The following ERMP1 variants were observed in gnomAD, a reference collection of about 807,000 sequenced individuals.
ERMP1 encodes endoplasmic reticulum metallopeptidase 1.
Under a neutral mutation model 92.0 loss-of-function variants are expected in ERMP1, and 86 were observed. That is an observed-to-expected ratio of 0.93 (90% CI 0.79 to 1.12). The LOEUF is 1.12. ERMP1 is among the 50% of genes most tolerant of loss of function. The probability of loss-of-function intolerance (pLI) is 0.00; values close to 1 mark genes in which losing one functional copy is unlikely to be tolerated. For synonymous variants in ERMP1, 530 were observed against 412.8 expected (o/e 1.28, Z -3.44); for missense variants, 1,342 against 1,116.3 (o/e 1.20, Z -2.88).
rs1296573509 is a variant in ERMP1 at position 5,805,499 on chromosome 9, AAACT to A, written c.1723+108_1723+111del. 2.2e-5 allele frequency: 21 copies of A among 966,326 alleles called. No individual in the cohort carries two copies. In the African/African-American group the frequency reaches 3.4e-4, roughly 16 times the overall value. 59.9% of individuals were successfully genotyped at this position (966,326 alleles called of 1,614,324 possible). On this transcript the variant is annotated intron_variant, in intron 9 of 14. Coordinates refer to ENST00000339450, the MANE Select transcript of ERMP1 (RefSeq NM_024896.3). Reference sequence around the variant, plus strand: ...ATTTGTGTGGTATGAAAACTTTTAAAAACTAACAATTTAGAAAGCCTACCCAATA... The same window carrying A: ...ATTTGTGTGGTATGAAAACTTTTAAAAACAATTTAGAAAGCCTACCCAATA...
At chr9:5,834,306 A>G (rs1459437884), upstream of ERMP1, among the ~76,000 whole-genome samples, 2 of 152,164 alleles carry the variant, frequency 1.3e-5, no homozygotes, top group Admixed American at 1.3e-4. Flanking sequence ...GTACTTCCTC[A>G]AGCAAGAATC....
intron 4 of ERMP1, among the ~76,000 whole-genome samples, chr9:5,819,162 A>G (rs1328275373): frequency 1.3e-5 from 2 of 152,248 alleles, no homozygotes; most frequent in African/African-American, 4.8e-5. Flanking sequence ...AGTGGAAACA[A>G]TCCAAATATC....
intron 10 of ERMP1, among the ~76,000 whole-genome samples, chr9:5,804,043 G>A (rs908354628): frequency 7.9e-5 from 12 of 152,148 alleles, no homozygotes; most frequent in African/African-American, 2.9e-4. Context: ...GCTGTCTTTA[G>A]AACCTAACTT....
upstream of ERMP1, chr9:5,833,131 A>G: frequency 9.2e-7 from 1 of 1,085,606 alleles, no homozygotes; most frequent in South Asian, 1.9e-5. Context: ...GAGCGGACGG[A>G]AACTGCAGAG....
At chr9:5,817,856 A>G (rs564352234) in intron 4 of ERMP1, among the ~76,000 whole-genome samples, 16 of 145,714 alleles carry the variant, frequency 1.1e-4, no homozygotes, top group Admixed American at 6.1e-4. Context: ...ACACAAAAGG[A>G]AAAAAAAAAA....
At chr9:5,859,753 G>A (rs994046636) in intron 5 of ERMP1, among the ~76,000 whole-genome samples, 4 of 152,172 alleles carry the variant, frequency 2.6e-5, no homozygotes, top group African/African-American at 9.7e-5. Context: ...GTAAGGCCTG[G>A]CACATAGTTG....
chr9:5,864,398 C>T (rs78813615), intron 5 of ERMP1, among the ~76,000 whole-genome samples: 5,169 of 152,192 alleles, frequency 0.034, 284 homozygotes, highest in East Asian at 0.24. Flanking sequence ...TTCCAGTACC[C>T]CCACTCACCC....
At position 5,861,197 on chromosome 9, in the gene ERMP1, G is replaced by GTGTGTGTGTGTGTA. The variant is rs1554630219; in HGVS notation, n.3056-1587_3056-1586insTACACACACACACA. 1.2e-3 allele frequency among the ~76,000 whole-genome samples: 174 copies of GTGTGTGTGTGTGTA among 148,728 alleles called. 1 individual carries two copies. Among genetic ancestry groups the GTGTGTGTGTGTGTA allele is most frequent in the African/African-American group, 4.1e-3 (164 of 39,790 alleles). On this transcript the variant is annotated intron_variant and non_coding_transcript_variant, in intron 5 of 6. Transcript: ENST00000690753. ...TGTGTGTGTGTGTGTGTGTGTGTGT[G>GTGTGTGTGTGTGTA]TGTGTGTGTGTGTGTGTGTGTGTAA...
chr9:5,853,060 G>C (rs868704337), intron 6 of ERMP1, among the ~76,000 whole-genome samples: 3 of 152,158 alleles, frequency 2.0e-5, no homozygotes, highest in Non-Finnish European at 4.4e-5. Flanking sequence ...GGGCTTCTGG[G>C]GGTGAAAAAT....
intron 2 of ERMP1, among the ~76,000 whole-genome samples, chr9:5,828,909 G>A (rs1483244387): frequency 6.6e-6 from 1 of 152,054 alleles, no homozygotes; most frequent in Non-Finnish European, 1.5e-5. Flanking sequence ...ATAATAGTGG[G>A]CAAAGAGTGA....
At chr9:5,847,284 C>A (rs1217960272) in intron 6 of ERMP1, among the ~76,000 whole-genome samples, 1 of 152,134 alleles carries the variant, frequency 6.6e-6, no homozygotes, top group Non-Finnish European at 1.5e-5. Context: ...ACAGGCCCAG[C>A]CTCATTCTGT....
At chr9:5,844,578 C>T (rs1830211647) in intron 6 of ERMP1, among the ~76,000 whole-genome samples, 1 of 152,118 alleles carries the variant, frequency 6.6e-6, no homozygotes, top group South Asian at 2.1e-4. Flanking sequence ...CTGGCCCTAG[C>T]AGAGAAGATT....
At chr9:5,820,412 A>G (rs1050572217) in intron 4 of ERMP1, among the ~76,000 whole-genome samples, 3 of 152,262 alleles carry the variant, frequency 2.0e-5, no homozygotes, top group African/African-American at 7.2e-5. Context: ...AAAAAATTCT[A>G]GAAGAGTATA....
chr9:5,827,823 A>G (rs1434350670), intron 2 of ERMP1, among the ~76,000 whole-genome samples: 5 of 151,978 alleles, frequency 3.3e-5, no homozygotes, highest in Non-Finnish European at 5.9e-5. Flanking sequence ...TCAAAAAAAA[A>G]AAAAATTCGC....
chr9:5,798,872 G>C lies in ERMP1; in HGVS notation c.2204C>G (p.Ala735Gly). 2.5e-6 allele frequency: 4 copies of C among 1,613,616 alleles called. No homozygotes were observed. Among genetic ancestry groups the C allele is most frequent in the Non-Finnish European group, 3.4e-6 (4 of 1,179,606 alleles). Residue 735 changes from alanine to glycine, a missense_variant, in exon 12 of 15, where the codon GCT becomes GGT. Ala to Gly is a moderately conservative substitution (Grantham distance 60, BLOSUM62 0). Coordinates refer to ENST00000339450, the MANE Select transcript of ERMP1 (RefSeq NM_024896.3). ...AAGAGGTGCATTCTCCTCACAGTGAGCTCGGATACTATCATTGATCTCAGG... is the reference window on the plus strand; with the variant it reads ...AAGAGGTGCATTCTCCTCACAGTGACCTCGGATACTATCATTGATCTCAGG... ...HIPEINDSIRAHCEENAPLCG... is the reference protein window; with the variant it reads ...HIPEINDSIRGHCEENAPLCG...
At chr9:5,831,693 A>G (rs934878256) in intron 1 of ERMP1, among the ~76,000 whole-genome samples, 2 of 152,206 alleles carry the variant, frequency 1.3e-5, no homozygotes, top group Non-Finnish European at 2.9e-5. Context: ...TTCTGGGTTA[A>G]TGACTTTAAG....
Position 5,832,710 on chromosome 9 carries a change from C to T in ERMP1, c.318G>A (p.Glu106=), listed in dbSNP as rs757722587. 2.6e-5 allele frequency: 38 copies of T among 1,482,702 alleles called. No individual in the cohort carries two copies. The highest frequency in any genetic ancestry group is 3.1e-5 in the Non-Finnish European group (35 of 1,124,834). The allele number at this position is 1,482,702 out of a possible 1,614,324, so 91.8% of individuals were successfully genotyped here. ...VLRGAAGHRG[E]FDALQARDYL... is the part of the protein sequence containing the mutation. ...GGTACCTGGCTTGGAGCGCGTCGAA[C>T]TCCCCGCGGTGTCCAGCGGCCCCGC... The change falls in exon 1 of 15, where the codon GAG becomes GAA. Residue 106 remains glutamate (E), a synonymous_variant. Coordinates refer to ENST00000339450, the MANE Select transcript of ERMP1 (RefSeq NM_024896.3).
At chr9:5,834,249 C>A (rs1355570624), upstream of ERMP1, among the ~76,000 whole-genome samples, 3 of 152,192 alleles carry the variant, frequency 2.0e-5, no homozygotes, top group Non-Finnish European at 4.4e-5. Flanking sequence ...TCTCTCTCCT[C>A]ATTGTCTTTT....
Position 5,799,015 on chromosome 9 carries a change from A to G in ERMP1, c.2068-7T>C. 1 of 1,610,700 alleles carries G rather than the reference A, an allele frequency of 6.2e-7. No individual in the cohort carries two copies. Among genetic ancestry groups the G allele is most frequent in the Non-Finnish European group, 8.5e-7 (1 of 1,177,406 alleles). ...GGAATGTTCTAGTCATATGCTGAAA[A>G]AAAAAGACTAGTGAAAAAACTGTTT... On this transcript the variant is annotated splice_region_variant and splice_polypyrimidine_tract_variant and intron_variant, in intron 11 of 14. Coordinates refer to ENST00000339450, the MANE Select transcript of ERMP1 (RefSeq NM_024896.3).
Sources: allele counts gnomAD v4.1 joint callset (sites outside exome capture counted in the v4.1 genomes callset), GRCh38; gene constraint gnomAD v4.1.1; transcripts MANE v1.5; gene names NCBI Gene and HGNC (gene_info 2026-07-23, HGNC 2026-07-21).